LRPPRC: variants seen among roughly 807,000 people sequenced by gnomAD.
LRPPRC encodes the protein leucine-rich PPR motif-containing protein, mitochondrial.
LRPPRC carries 120 observed loss-of-function variants against 180.3 expected under a neutral mutation model. That is an observed-to-expected ratio of 0.67 (90% CI 0.57 to 0.77). LRPPRC has a LOEUF of 0.77. LRPPRC is among the 30% of genes least tolerant of loss of function. LRPPRC has a pLI of 0.00. For missense variants in LRPPRC, 2,012 were observed against 1,657.2 expected, an observed-to-expected ratio of 1.21 and a Z score of -3.72; for synonymous variants, 723 against 600.0, an observed-to-expected ratio of 1.21 and a Z score of -3.00.
intron 30 of LRPPRC, among the ~76,000 whole-genome samples, chr2:43,908,492 G>A (rs778658318): frequency 6.6e-6 from 1 of 152,034 alleles, no homozygotes; most frequent in Non-Finnish European, 1.5e-5. Flanking sequence ...TGACAACAAA[G>A]GCAAAATAAA....
chr2:43,910,128 T>A (rs1018738587), intron 30 of LRPPRC, among the ~76,000 whole-genome samples: 14 of 152,166 alleles, frequency 9.2e-5, no homozygotes, highest in African/African-American at 3.4e-4. Flanking sequence ...ACCCACTAAT[T>A]GGCTGCAATT....
chr2:43,982,689 G>GA (rs1674365959), intron 1 of LRPPRC, among the ~76,000 whole-genome samples: 1 of 152,100 alleles, frequency 6.6e-6, no homozygotes, highest in Non-Finnish European at 1.5e-5. Flanking sequence ...TTTGAACATG[G>GA]AATGATTTCA....
At chr2:43,971,357 G>C (rs925723233) in intron 11 of LRPPRC, among the ~76,000 whole-genome samples, 1 of 151,616 alleles carries the variant, frequency 6.6e-6, no homozygotes, top group African/African-American at 2.4e-5. Context: ...GATGAGCCAT[G>C]AGGAAGTAAT....
chr2:43,899,609 T>A lies in LRPPRC; in HGVS notation c.3570-4A>T, dbSNP rs1670815786. ...TATTGCGGCATCTATGTTATTACTG[T>A]TAAAAGCAAAATAAATTACTTAAAA... On this transcript the variant is annotated splice_region_variant and splice_polypyrimidine_tract_variant and intron_variant, in intron 32 of 37. Transcript: ENST00000260665. 1 of 1,598,858 alleles carries A rather than the reference T, an allele frequency of 6.3e-7. No homozygotes were observed. Among genetic ancestry groups the A allele is most frequent in the African/African-American group, 1.3e-5 (1 of 74,608 alleles).
In LRPPRC at chr2:43,995,963, G is replaced by T; in HGVS notation, c.-16C>A. 2 of 1,523,784 alleles carry T rather than the reference G, an allele frequency of 1.3e-6. 1 individual carries two copies. The highest frequency in any genetic ancestry group is 2.4e-5 in the South Asian group (2 of 83,024). The allele number at this position is 1,523,784 out of a possible 1,614,324, so 94.4% of individuals were successfully genotyped here. A position where few individuals can be genotyped will look rare whatever the true frequency, so the allele number is the denominator to read the frequency against. On this transcript the variant is annotated 5_prime_UTR_variant, in exon 1 of 38. Coordinates refer to ENST00000260665, the MANE Select transcript of LRPPRC (RefSeq NM_133259.4). ...GGGCTGCCATTGCTCGAACGTCCCC[G>T]CAGCGGGAAGCACGCTCCGCCAGAA...
chr2:43,898,071 T>TAAAAAAAAAAAAAAAAAAAAAAAGAAAA (rs61550367), intron 34 of LRPPRC, among the ~76,000 whole-genome samples: 1 of 115,958 alleles, frequency 8.6e-6, no homozygotes, highest in Admixed American at 8.7e-5. Context: ...TCCTTAAAAT[T>TAAAAAAAAAAAAAAAAAAAAAAAGAAAA]AAAAAAAAAA....
In LRPPRC at chr2:43,918,792, G is replaced by GAT. The variant is rs111297590; in HGVS notation, c.2897-396_2897-395dup. ...GATCCTGGAAATATATATATATATA[G>GAT]ATATATATATATATATAGATATATA... On this transcript the variant is annotated intron_variant, in intron 27 of 37. Transcript: ENST00000260665. Among the ~76,000 whole-genome samples, 131 of 45,064 alleles carry GAT rather than the reference G, an allele frequency of 2.9e-3. 1 individual carries two copies. The highest frequency in any genetic ancestry group is 0.012 in the African/African-American group (77 of 6,210). The allele number at this position is 45,064 out of a possible 152,430, so 29.6% of individuals were successfully genotyped here.
rs1672729743 is a variant in LRPPRC at position 43,947,454 on chromosome 2, T to C, written c.1966-84A>G. On this transcript the variant is annotated intron_variant, in intron 19 of 37. Transcript: ENST00000260665. ...TTGTCACTCTTCCCTTTAAACTGAC[T>C]TTCCTTTCTACCTTCCTAAATGTCA... The C allele has an allele frequency of 4.1e-6, 3 of 733,202 alleles. No individual in the cohort carries two copies. In the Admixed American group the frequency reaches 6.3e-5, roughly 15 times the overall value. 45.4% of individuals were successfully genotyped at this position (733,202 alleles called of 1,614,324 possible).
intron 3 of LRPPRC, among the ~76,000 whole-genome samples, chr2:43,978,610 T>G (rs1184442858): frequency 1.3e-5 from 2 of 152,096 alleles, no homozygotes; most frequent in African/African-American, 4.8e-5. Flanking sequence ...ACTTTTCTGC[T>G]CCTTTTATAC....
chr2:43,959,538 G>T (rs1331324773), intron 13 of LRPPRC, among the ~76,000 whole-genome samples: 1 of 152,128 alleles, frequency 6.6e-6, no homozygotes, highest in Non-Finnish European at 1.5e-5. Flanking sequence ...CAGAAGATCT[G>T]AAAAACTGTC....
intron 22 of LRPPRC, 132 bp from the exon 23 acceptor site, chr2:43,944,026 C>G (rs1427392871): frequency 1.0e-5 from 7 of 694,074 alleles, no homozygotes; most frequent in Non-Finnish European, 1.8e-5. Flanking sequence ...TTAATTACTA[C>G]TTGCATTTCT....
At chr2:43,912,038 TTAAG>T (rs1247940690) in intron 30 of LRPPRC, among the ~76,000 whole-genome samples, 1 of 152,140 alleles carries the variant, frequency 6.6e-6, no homozygotes, top group Non-Finnish European at 1.5e-5. Flanking sequence ...CACAGAACTT[TTAAG>T]TAAGATTCAA....
At chr2:43,975,039 A>G in intron 7 of LRPPRC, 52 bp downstream of exon 7, 2 of 1,583,282 alleles carry the variant, frequency 1.3e-6, no homozygotes, top group East Asian at 4.5e-5. Context: ...AAAACATAAC[A>G]CAAATTTTTA....
At chr2:43,979,698 C>T in intron 3 of LRPPRC, 128 bp downstream of exon 3, 1 of 763,676 alleles carries the variant, frequency 1.3e-6, no homozygotes, top group South Asian at 1.7e-5. Context: ...TAAATATTAT[C>T]AAAAAATTAT....
At chr2:43,894,444 T>C (rs1670608673) in intron 36 of LRPPRC, 101 bp downstream of exon 36, 2 of 684,532 alleles carry the variant, frequency 2.9e-6, no homozygotes, top group Admixed American at 2.2e-5. Context: ...AGCTGAAGAC[T>C]AAGACTTAGT....
intron 36 of LRPPRC, among the ~76,000 whole-genome samples, chr2:43,892,280 T>TGC (rs1276925516): frequency 6.6e-6 from 1 of 152,234 alleles, no homozygotes; most frequent in African/African-American, 2.4e-5. Context: ...GAAAAGCTAA[T>TGC]GCCTAGCTTC....
intron 1 of LRPPRC, among the ~76,000 whole-genome samples, chr2:43,994,975 T>C (rs1239770248): frequency 6.6e-6 from 1 of 152,204 alleles, no homozygotes. Context: ...GAGCGGTGGC[T>C]CACACCTGTA....
At chr2:43,955,036 G>A (rs1016019254) in intron 14 of LRPPRC, among the ~76,000 whole-genome samples, 3 of 152,108 alleles carry the variant, frequency 2.0e-5, no homozygotes, top group South Asian at 2.1e-4. Context: ...TGGCTTCCAC[G>A]ATACGGGTTT....
chr2:43,974,318 T>G, intron 8 of LRPPRC, 23 bp from the exon 9 acceptor site: 1 of 1,573,300 alleles, frequency 6.4e-7, no homozygotes. Context: ...CAAAGACATC[T>G]TTTGTTAATA....
Sources: allele counts gnomAD v4.1 joint callset (sites outside exome capture counted in the v4.1 genomes callset), GRCh38; gene constraint gnomAD v4.1.1; transcripts MANE v1.5; gene names NCBI Gene and HGNC (gene_info 2026-07-23, HGNC 2026-07-21).